DYSF: variants seen among roughly 807,000 people sequenced by gnomAD.
DYSF encodes dysferlin.
In DYSF, 212 loss-of-function variants were observed where a neutral mutation model predicts 274.9. That is an observed-to-expected ratio of 0.77 (90% CI 0.69 to 0.86). The LOEUF (loss-of-function observed/expected upper bound fraction) is 0.86, where lower values mean the gene tolerates loss of function less well. Among genes scored for constraint, DYSF ranks in the 40% least tolerant of loss-of-function variants. DYSF has a pLI of 0.00. For missense variants in DYSF, 2,666 were observed against 2,783.2 expected (o/e 0.96, Z 0.95); for synonymous variants, 1,091 against 1,078.7 (o/e 1.01, Z -0.22).
At chr2:71,642,945 T>C (rs2094508901) in intron 41 of DYSF, among the ~76,000 whole-genome samples, 1 of 152,166 alleles carries the variant, frequency 6.6e-6, no homozygotes. Context: ...TACCTTCTCA[T>C]ACAGAGGAGG....
chr2:71,662,880 G>T, intron 45 of DYSF, among the ~76,000 whole-genome samples: 1 of 54,624 alleles, frequency 1.8e-5, no homozygotes, highest in Non-Finnish European at 4.5e-5. Flanking sequence ...GTATGTGTGT[G>T]TGTGTACGTG....
intron 3 of DYSF, among the ~76,000 whole-genome samples, chr2:71,484,574 T>C (rs2083216849): frequency 6.6e-6 from 1 of 152,234 alleles, no homozygotes; most frequent in Non-Finnish European, 1.5e-5. Context: ...TTGTTGGCTG[T>C]AGTCACCCTA....
chr2:71,511,811 C>T lies in DYSF; in HGVS notation c.350C>T (p.Ser117Leu), dbSNP rs199677396. 6.6e-5 allele frequency: 102 copies of T among 1,550,124 alleles called. No homozygotes were observed. The highest frequency in any genetic ancestry group is 5.5e-4 in the African/African-American group (40 of 73,124). Residue 117 changes from serine (S) to leucine (L), a missense_variant, in exon 5 of 56, where the codon TCG becomes TTG. Ser to Leu is a moderately radical substitution (Grantham distance 145). Coordinates refer to ENST00000410020, the MANE Select transcript of DYSF (RefSeq NM_001130987.2). ...LDTKKQPTGA[S>L]LVLQVSYTPL... ...CCCACGTCTCATCTCTTCCAGGCCT[C>T]GCTGGTCCTGCAGGTGTCCTACACA... is the stretch of plus-strand genomic sequence containing the variant.
In DYSF at chr2:71,456,643, T is replaced by G. The variant is rs149622457; in HGVS notation, c.88+2557T>G. 5.9e-3 allele frequency among the ~76,000 whole-genome samples: 901 copies of G among 152,274 alleles called. 10 individuals carry two copies. The highest frequency in any genetic ancestry group is 0.019 in the African/African-American group (810 of 41,544). On this transcript the variant is annotated intron_variant, in intron 1 of 54. Coordinates refer to the DYSF transcript ENST00000258104. The stretch of plus-strand genomic sequence containing the variant: ...ACACTTCACAGCCCCTTTGTGCATG[T>G]ATACATTCATTGCAAGCTCACAGAA...
intron 22 of DYSF, among the ~76,000 whole-genome samples, chr2:71,559,793 T>C (rs1194506775): frequency 6.6e-6 from 1 of 152,192 alleles, no homozygotes; most frequent in Non-Finnish European, 1.5e-5. Flanking sequence ...TCTGTTTGCG[T>C]CTCTGTTCTG....
intron 41 of DYSF, among the ~76,000 whole-genome samples, chr2:71,639,168 T>C (rs955838854): frequency 6.6e-6 from 1 of 152,108 alleles, no homozygotes; most frequent in Admixed American, 6.5e-5. Flanking sequence ...CATTTTTAAA[T>C]TGGATGATTT....
intron 43 of DYSF, among the ~76,000 whole-genome samples, chr2:71,658,359 T>A (rs2094814465): frequency 6.6e-6 from 1 of 152,246 alleles, no homozygotes; most frequent in African/African-American, 2.4e-5. Context: ...GTTTTCCACG[T>A]TTTCCCATCT....
intron 48 of DYSF, among the ~76,000 whole-genome samples, chr2:71,667,996 T>C (rs2095048197): frequency 6.6e-6 from 1 of 151,754 alleles, no homozygotes; most frequent in African/African-American, 2.4e-5. Flanking sequence ...CCTCCCACGC[T>C]GAAGGGCGGG....
chr2:71,503,078 G>A (rs978690624), intron 3 of DYSF, 136 bp from the exon 4 acceptor site: 2 of 803,480 alleles, frequency 2.5e-6, no homozygotes, highest in Non-Finnish European at 4.4e-6. Flanking sequence ...GGGTGCAGGA[G>A]AGCCCTCGTG....
At chr2:71,605,848 A>T (rs1298033945) in intron 36 of DYSF, among the ~76,000 whole-genome samples, 2 of 151,978 alleles carry the variant, frequency 1.3e-5, no homozygotes, top group Admixed American at 6.5e-5. Flanking sequence ...TTAATTTAAA[A>T]CACTGTTTTT....
intron 44 of DYSF, among the ~76,000 whole-genome samples, chr2:71,660,209 A>G (rs2094852859): frequency 6.6e-6 from 1 of 152,182 alleles, no homozygotes; most frequent in Non-Finnish European, 1.5e-5. Context: ...CTCATTCCAT[A>G]TGCTTAAGCA....
At position 71,665,360 on chromosome 2, in the gene DYSF, C is replaced by T; in HGVS notation, c.5317+56C>T. The T allele has an allele frequency of 2.5e-6, 4 of 1,610,168 alleles. 1 individual carries two copies. In the South Asian group the frequency reaches 4.4e-5, roughly 18 times the overall value. Reference sequence around the variant, plus strand: ...GGGCTCTCGCTGTATCCCTCCCTCTCTCATCAGACCCTCTGCTACCATAAA... The same window carrying T: ...GGGCTCTCGCTGTATCCCTCCCTCTTTCATCAGACCCTCTGCTACCATAAA... On this transcript the variant is annotated intron_variant, in intron 47 of 55. Coordinates refer to ENST00000410020, the MANE Select transcript of DYSF (RefSeq NM_001130987.2).
At chr2:71,483,855 G>T (rs1201877386) in intron 3 of DYSF, among the ~76,000 whole-genome samples, 2 of 151,940 alleles carry the variant, frequency 1.3e-5, no homozygotes, top group African/African-American at 4.8e-5. Flanking sequence ...CCTCTCGGAG[G>T]CTCCTGGAAG....
Position 71,568,564 on chromosome 2 carries a change from A to ATT in DYSF, c.2864+240_2864+241dup, listed in dbSNP as rs372984442. On this transcript the variant is annotated intron_variant, in intron 26 of 55. Coordinates refer to ENST00000410020, the MANE Select transcript of DYSF (RefSeq NM_001130987.2). ...GTCCTTTATTCTTTTCATTAAAAAA[A>ATT]TTTTTTTTTTTTTTTGAGACAGAGT... Among the ~76,000 whole-genome samples, 118 of 146,250 alleles carry ATT rather than the reference A, an allele frequency of 8.1e-4. 1 individual carries two copies. The highest frequency in any genetic ancestry group is 2.5e-3 in the Admixed American group (36 of 14,604).
chr2:71,484,186 G>A (rs867335169), intron 3 of DYSF, among the ~76,000 whole-genome samples: 1 of 150,834 alleles, frequency 6.6e-6, no homozygotes, highest in African/African-American at 2.4e-5. Context: ...CCTACTAGCT[G>A]GGATTACAGG....
At position 71,507,042 on chromosome 2, in the gene DYSF, C is replaced by T. The variant is rs2085550096; in HGVS notation, c.345+3723C>T. ...CCCCAGAAGGGGCTGCCTAAGTGGT[C>T]TCTGGAGCCCTCTCTCTGGAGAGGG... is the stretch of plus-strand genomic sequence containing the variant. On this transcript the variant is annotated intron_variant, in intron 4 of 55. Coordinates refer to ENST00000410020, the MANE Select transcript of DYSF (RefSeq NM_001130987.2). Among the ~76,000 whole-genome samples, 6 of 152,258 alleles carry T rather than the reference C, an allele frequency of 3.9e-5. No homozygotes were observed. The South Asian group carries it at 1.2e-3, about 32-fold the overall frequency.
chr2:71,535,920 T>A (rs2089288104), intron 16 of DYSF, among the ~76,000 whole-genome samples: 1 of 152,224 alleles, frequency 6.6e-6, no homozygotes, highest in African/African-American at 2.4e-5. Context: ...TCATCTCATC[T>A]GACCATCAAC....
rs760466800 is a variant in DYSF, at chr2:71,520,945, C to G, written c.1149+41C>G. 3 of 1,587,500 alleles carry G rather than the reference C, an allele frequency of 1.9e-6. No individual in the cohort carries two copies. In the African/African-American group the frequency reaches 4.0e-5, roughly 21 times the overall value. On this transcript the variant is annotated intron_variant, in intron 12 of 55. Coordinates refer to ENST00000410020, the MANE Select transcript of DYSF (RefSeq NM_001130987.2). The stretch of plus-strand genomic sequence containing the variant: ...TGGGTCTTCCTTACGGTCCCCCACG[C>G]GGCACTTGGTTGCGGAGGCACCAAA...
chr2:71,599,268 G>A (rs1352407395), intron 33 of DYSF, among the ~76,000 whole-genome samples: 1 of 152,228 alleles, frequency 6.6e-6, no homozygotes, highest in Non-Finnish European at 1.5e-5. Flanking sequence ...TGTGGTGACA[G>A]GCGAGCTCTA....
Sources: allele counts gnomAD v4.1 joint callset (sites outside exome capture counted in the v4.1 genomes callset), GRCh38; gene constraint gnomAD v4.1.1; transcripts MANE v1.5; gene names NCBI Gene and HGNC (gene_info 2026-07-23, HGNC 2026-07-21).